AHSA1: variants seen among roughly 807,000 people sequenced by gnomAD.
The protein encoded by AHSA1 is activator of HSP90 ATPase activity 1.
Under a neutral mutation model 46.1 loss-of-function variants are expected in AHSA1, and 14 were observed. The observed-to-expected ratio is 0.30, with a 90% CI of 0.20 to 0.47. The LOEUF is 0.47. Ranked by LOEUF, AHSA1 falls within the 20% of genes least tolerant of loss-of-function variation. The pLI, the probability that AHSA1 is intolerant of heterozygous loss-of-function variation, is 0.99. For missense variants in AHSA1, 333 were observed against 415.9 expected (o/e 0.80, Z 1.73); for synonymous variants, 147 against 145.8 (o/e 1.01, Z -0.06).
chr14:77,468,396 C>A, intron 7 of AHSA1, 61 bp from the exon 8 acceptor site: 1 of 1,494,056 alleles, frequency 6.7e-7, no homozygotes, highest in Non-Finnish European at 9.3e-7. Context: ...GATGACTGAT[C>A]CTAGCTAGGA....
chr14:77,458,017 G>T (rs2078992259), upstream of AHSA1: 2 of 556,760 alleles, frequency 3.6e-6, no homozygotes, highest in Middle Eastern at 4.7e-4. Flanking sequence ...ACCGGTGGGA[G>T]TGGGGAGGAG....
At position 77,458,556 on chromosome 14, in the gene AHSA1, G is replaced by GT. The variant is rs2079000543; in HGVS notation, c.80+287_80+288insT. ...TGGCTGCTGCATCCAGCCCGAGCAG[G>GT]GAGGTGCTTATTACACGTGGCCAGA... On this transcript the variant is annotated intron_variant, in intron 1 of 8. Transcript: ENST00000216479. 2.0e-5 allele frequency among the ~76,000 whole-genome samples: 3 copies of GT among 152,370 alleles called. No individual in the cohort carries two copies. The South Asian group carries it at 6.2e-4, about 32-fold the overall frequency.
intron 1 of AHSA1, 129 bp from the exon 2 acceptor site, chr14:77,459,484 TGGA>T: frequency 1.2e-6 from 1 of 803,838 alleles, no homozygotes; most frequent in Non-Finnish European, 2.0e-6. Context: ...GTGGACATAC[TGGA>T]GTGCGACTGG....
At chr14:77,468,781 T>C (rs2079060629) in intron 8 of AHSA1, 2 of 523,030 alleles carry the variant, frequency 3.8e-6, no homozygotes, top group South Asian at 5.2e-5. Context: ...GGGGTCCTAC[T>C]ACATTGTCCA....
intron 6 of AHSA1, 44 bp from the exon 7 acceptor site, chr14:77,468,039 T>C (rs1274224312): frequency 2.2e-6 from 3 of 1,345,028 alleles, no homozygotes; most frequent in East Asian, 5.1e-5. Flanking sequence ...GAAAGCCATG[T>C]ATCTTCTGCC....
chr14:77,460,456 A>G (rs2079016724), intron 2 of AHSA1, among the ~76,000 whole-genome samples: 1 of 151,564 alleles, frequency 6.6e-6, no homozygotes. Context: ...CAGTCATATC[A>G]TAAAGAAGGG....
Position 77,462,777 on chromosome 14 carries a change from C to A in AHSA1, c.472+18C>A. ...CAAAACAGGTATCCCTTGAGTAGTT[C>A]TGTATGCCTTAAGGAGGTAGTTTCC... On this transcript the variant is annotated intron_variant, in intron 4 of 8. Transcript: ENST00000216479. 2 of 1,601,690 alleles carry A rather than the reference C, an allele frequency of 1.2e-6. No individual in the cohort carries two copies. Among genetic ancestry groups the A allele is most frequent in the Non-Finnish European group, 8.6e-7 (1 of 1,168,890 alleles).
chr14:77,464,780 T>G (rs767629389), intron 5 of AHSA1, 94 bp downstream of exon 5: 5 of 1,118,096 alleles, frequency 4.5e-6, no homozygotes, highest in Non-Finnish European at 5.1e-6. Flanking sequence ...GTCCCTAACC[T>G]CTAAGCCAGA....
intron 1 of AHSA1, among the ~76,000 whole-genome samples, chr14:77,459,281 T>C (rs1017639905): frequency 6.6e-6 from 1 of 152,246 alleles, no homozygotes; most frequent in African/African-American, 2.4e-5. Flanking sequence ...TCTGTGTTCC[T>C]GATCTCAGCA....
Position 77,464,676 on chromosome 14 carries a change from A to G in AHSA1, c.551A>G (p.Glu184Gly). Reference sequence around the variant, plus strand: ...GTGGGGCAGCCAGCACTGAAAACTGAGGAGCGCAAGGTAAATGGTTTTCCT... The same window carrying G: ...GTGGGGCAGCCAGCACTGAAAACTGGGGAGCGCAAGGTAAATGGTTTTCCT... Reference protein sequence around the residue: ...DPVGQPALKTEERKAKPAPSK... With the variant: ...DPVGQPALKTGERKAKPAPSK... Residue 184 changes from glutamate to glycine, a missense_variant, in exon 5 of 9, where the codon GAG (glutamate) becomes GGG (glycine). Transcript: ENST00000216479. 6.2e-7 allele frequency: 1 copy of G among 1,613,618 alleles called. No homozygotes were observed. Among genetic ancestry groups the G allele is most frequent in the South Asian group, 1.1e-5 (1 of 91,048 alleles).
intron 2 of AHSA1, among the ~76,000 whole-genome samples, chr14:77,460,427 T>C (rs757105306): frequency 2.3e-5 from 3 of 128,360 alleles, no homozygotes; most frequent in Non-Finnish European, 5.2e-5. Flanking sequence ...TGTGCTTTGA[T>C]AAACATTTCC....
chr14:77,467,177 T>C (rs1353410690), intron 6 of AHSA1, among the ~76,000 whole-genome samples: 1 of 152,066 alleles, frequency 6.6e-6, no homozygotes, highest in Non-Finnish European at 1.5e-5. Flanking sequence ...GGCGGGTGAA[T>C]TACTTGAGCC....
chr14:77,460,971 G>A (rs67761181), intron 2 of AHSA1, among the ~76,000 whole-genome samples: 27,965 of 150,632 alleles, frequency 0.19, 2,785 homozygotes, highest in Middle Eastern at 0.39. Context: ...CATCCTGGCT[G>A]ACACAGTGAA....
In AHSA1 at chr14:77,458,410, G is replaced by A. The variant is rs936600941; in HGVS notation, c.80+141G>A. ...GGGGGTGGGTCCTTCCTGTGGCAGG[G>A]GTCCGTAGCCCCAGGCCTCTCCACT... On this transcript the variant is annotated intron_variant, in intron 1 of 8. Coordinates refer to ENST00000216479, the MANE Select transcript of AHSA1 (RefSeq NM_012111.3). 45 of 801,022 alleles carry A rather than the reference G, an allele frequency of 5.6e-5. No homozygotes were observed. In the African/African-American group the frequency reaches 7.5e-4, roughly 13 times the overall value. The allele number at this position is 801,022 out of a possible 1,614,324, so 49.6% of individuals were successfully genotyped here.
chr14:77,464,092 CCAGTGGCCAGGTG>C (rs2079037736), intron 4 of AHSA1, among the ~76,000 whole-genome samples: 1 of 152,120 alleles, frequency 6.6e-6, no homozygotes, highest in Non-Finnish European at 1.5e-5. Context: ...AAAAATAATC[CCAGTGGCCAGGTG>C]CAGTGGCTCA....
rs1339488365 is a variant in AHSA1 at position 77,465,452 on chromosome 14, AATGAATGGT to A, written c.562-85_562-77del. The A allele has an allele frequency of 1.7e-5, 24 of 1,447,316 alleles. No homozygotes were observed. In the African/African-American group the frequency reaches 2.4e-4, roughly 15 times the overall value. The allele number at this position is 1,447,316 out of a possible 1,614,324, so 89.7% of individuals were successfully genotyped here. On this transcript the variant is annotated intron_variant, in intron 5 of 8. Transcript: ENST00000216479. ...CCTTGGAGGTGAACATTTTTATGAG[AATGAATGGT>A]ACAACTGTCTCTGAAGCCACGTTGA...
At chr14:77,468,989 T>G in intron 8 of AHSA1, 88 bp from the exon 9 acceptor site, 1 of 1,485,120 alleles carries the variant, frequency 6.7e-7, no homozygotes, top group Non-Finnish European at 9.3e-7. Context: ...ATTACAGGTG[T>G]GAGCCACCAC....
chr14:77,458,156 C>G lies in AHSA1; in HGVS notation c.-34C>G. On this transcript the variant is annotated 5_prime_UTR_variant, in exon 1 of 9. Transcript: ENST00000216479. The stretch of plus-strand genomic sequence containing the variant: ...GGTCCTGAGGCTGTGGCTACGGCTG[C>G]TCCGGAGCTGGTGGCGCCGCGATAG... 6.6e-7 allele frequency: 1 copy of G among 1,508,664 alleles called. No individual in the cohort carries two copies. The highest frequency in any genetic ancestry group is 8.8e-7 in the Non-Finnish European group (1 of 1,130,024). 93.5% of individuals were successfully genotyped at this position (1,508,664 alleles called of 1,614,324 possible).
Position 77,459,764 on chromosome 14 carries a change from CTT to C in AHSA1, c.230_231del (p.Leu77HisfsTer5). The C allele has an allele frequency of 6.2e-7, 1 of 1,614,172 alleles. No individual in the cohort carries two copies. On this transcript the variant is annotated frameshift_variant, in exon 2 of 9. Coordinates refer to ENST00000216479, the MANE Select transcript of AHSA1 (RefSeq NM_012111.3). LOFTEE classifies it high-confidence loss of function. ...EASINNRKGK[L>X]IFFYEWSVKL... Reference sequence around the variant, plus strand: ...ATCCATTAACAATCGCAAAGGGAAACTTATCTTCTTTTATGAATGGAGCGTCA... The same window carrying C: ...ATCCATTAACAATCGCAAAGGGAAACATCTTCTTTTATGAATGGAGCGTCA...
Sources: gnomAD v4.1 joint callset for allele counts (sites outside exome capture counted in the v4.1 genomes callset) on GRCh38, gnomAD v4.1.1 for gene constraint, MANE v1.5 for transcripts, NCBI Gene and HGNC (gene_info 2026-07-23, HGNC 2026-07-21) for gene names.